RNF19A: variants seen among roughly 807,000 people sequenced by gnomAD.
RNF19A encodes ring finger protein 19A, RBR E3 ubiquitin protein ligase.
In RNF19A, 32 loss-of-function variants were observed where a neutral mutation model predicts 75.7. The observed-to-expected ratio is 0.42, with a 90% CI of 0.32 to 0.57. The LOEUF (loss-of-function observed/expected upper bound fraction) is 0.57, where lower values mean the gene tolerates loss of function less well. RNF19A is among the 20% of genes least tolerant of loss of function. The probability of loss-of-function intolerance (pLI) is 0.10; values close to 1 mark genes in which losing one functional copy is unlikely to be tolerated. For missense variants in RNF19A, 782 were observed against 1,036.3 expected (o/e 0.75, Z 3.37); for synonymous variants, 335 against 345.2 (o/e 0.97, Z 0.33).
At chr8:100,311,283 T>C (rs1822286790), upstream of RNF19A, among the ~76,000 whole-genome samples, 1 of 152,228 alleles carries the variant, frequency 6.6e-6, no homozygotes, top group Admixed American at 6.5e-5. Context: ...TTTATTTTCA[T>C]TTATGGGAAG....
In RNF19A at chr8:100,257,216, G is replaced by A. The variant is rs1203290588; in HGVS notation, c.*1340C>T. ...ATAAGCATATTAATGGACCTGGTAG[G>A]GAAAAGTGATGGAAGAAGACTGCAG... On this transcript the variant is annotated 3_prime_UTR_variant, in exon 10 of 10. Transcript: ENST00000341084. The A allele has an allele frequency of 6.6e-6, 1 of 152,570 alleles. No individual in the cohort carries two copies. The highest frequency in any genetic ancestry group is 1.5e-5 in the Non-Finnish European group (1 of 68,030). 9.5% of individuals were successfully genotyped at this position (152,570 alleles called of 1,614,324 possible). A position where few individuals can be genotyped will look rare whatever the true frequency, so the allele number is the denominator to read the frequency against.
At chr8:100,290,171 G>A (rs1384742240) in intron 1 of RNF19A, among the ~76,000 whole-genome samples, 1 of 152,174 alleles carries the variant, frequency 6.6e-6, no homozygotes, top group Non-Finnish European at 1.5e-5. Flanking sequence ...CTGGAGTGCA[G>A]TGAAGCAATC....
chr8:100,323,508 T>A lies in RNF19A; in HGVS notation c.-242-10136A>T, dbSNP rs1315620548. On this transcript the variant is annotated intron_variant, in intron 1 of 3. Coordinates refer to the RNF19A transcript ENST00000519527. The surrounding 1 kb of genome is among the most constrained non-coding windows in gnomAD (Gnocchi z 4.6). ...GCCATCCATTCTTAGAATTGTCACA[T>A]TAACTGCACGTATGCTAGCCAAGAA... Among the ~76,000 whole-genome samples, 1 of 152,242 alleles carries A rather than the reference T, an allele frequency of 6.6e-6. No homozygotes were observed. Among genetic ancestry groups the A allele is most frequent in the African/African-American group, 2.4e-5 (1 of 41,468 alleles).
upstream of RNF19A, among the ~76,000 whole-genome samples, chr8:100,310,864 T>C (rs1276963193): frequency 6.6e-6 from 1 of 152,220 alleles, no homozygotes; most frequent in East Asian, 1.9e-4. Context: ...TCGTCTCATA[T>C]CTTTTCAGCC....
rs1437940604 is a variant in RNF19A at position 100,284,139 on chromosome 8, GACAAGCTT to G, written c.674+3354_674+3361del. Among the ~76,000 whole-genome samples the G allele has an allele frequency of 6.6e-6, 1 of 151,748 alleles. No individual in the cohort carries two copies. The highest frequency in any genetic ancestry group is 1.5e-5 in the Non-Finnish European group (1 of 67,938). ...ATGAAGAATAATAAGTAAGAGCAAT[GACAAGCTT>G]ACTGTGTGCTAGGAATTTTGCTAGT... On this transcript the variant is annotated intron_variant, in intron 2 of 9. Transcript: ENST00000341084. The surrounding 1 kb of genome is among the most constrained non-coding windows in gnomAD (Gnocchi z 4.3).
upstream of RNF19A, among the ~76,000 whole-genome samples, chr8:100,312,890 C>A (rs1214060054): frequency 6.6e-6 from 1 of 152,180 alleles, no homozygotes; most frequent in African/African-American, 2.4e-5. Flanking sequence ...CCACTGCACT[C>A]CAGCCTGGGC....
chr8:100,269,732 G>T lies in RNF19A; in HGVS notation c.1028+137C>A. 3.6e-6 allele frequency: 2 copies of T among 550,554 alleles called. No homozygotes were observed. The highest frequency in any genetic ancestry group is 6.0e-6 in the Non-Finnish European group (2 of 333,188). The allele number at this position is 550,554 out of a possible 1,614,324, so 34.1% of individuals were successfully genotyped here. A position where few individuals can be genotyped will look rare whatever the true frequency, so the allele number is the denominator to read the frequency against. On this transcript the variant is annotated intron_variant, in intron 4 of 9. Coordinates refer to ENST00000341084, the MANE Select transcript of RNF19A (RefSeq NM_183419.4). The surrounding 1 kb of genome is among the most constrained non-coding windows in gnomAD (Gnocchi z 5.7). Reference sequence around the variant, plus strand: ...TTCCAAATGACTAGCATAATAACTTGGTTTCTTTTAAATTTATTTAACTAG... The same window carrying T: ...TTCCAAATGACTAGCATAATAACTTTGTTTCTTTTAAATTTATTTAACTAG...
At chr8:100,328,411 A>C (rs1752957388) in intron 1 of RNF19A, among the ~76,000 whole-genome samples, 1 of 152,148 alleles carries the variant, frequency 6.6e-6, no homozygotes, top group Admixed American at 6.5e-5. Flanking sequence ...GTTCTAGTCT[A>C]AGGGGCCTGG....
intron 1 of RNF19A, among the ~76,000 whole-genome samples, chr8:100,316,747 C>A (rs1230034162): frequency 1.3e-5 from 2 of 152,240 alleles, no homozygotes; most frequent in African/African-American, 4.8e-5. Context: ...TTGGAGCTGC[C>A]TGCCAGTCCC....
At chr8:100,265,177 A>G (rs995584679) in intron 5 of RNF19A, among the ~76,000 whole-genome samples, 13 of 152,352 alleles carry the variant, frequency 8.5e-5, no homozygotes, top group African/African-American at 2.6e-4. Flanking sequence ...TTCTTTCTAA[A>G]GAATATTCTC....
chr8:100,320,197 A>G (rs964946936), intron 1 of RNF19A, among the ~76,000 whole-genome samples: 7 of 152,324 alleles, frequency 4.6e-5, no homozygotes, highest in African/African-American at 1.2e-4. Context: ...AACATATTCT[A>G]TTGTTTTATA....
chr8:100,280,259 T>A (rs1820720206), intron 2 of RNF19A, among the ~76,000 whole-genome samples: 1 of 152,202 alleles, frequency 6.6e-6, no homozygotes, highest in Non-Finnish European at 1.5e-5. Flanking sequence ...TACCTGACTT[T>A]GGCCACCTGG....
At chr8:100,301,173 T>C (rs1286444448) in intron 1 of RNF19A, among the ~76,000 whole-genome samples, 1 of 152,254 alleles carries the variant, frequency 6.6e-6, no homozygotes, top group Non-Finnish European at 1.5e-5. Flanking sequence ...TAGGTTGCTA[T>C]TGGCTACCAT....
chr8:100,272,810 A>G (rs1820321047), intron 3 of RNF19A, among the ~76,000 whole-genome samples: 1 of 152,070 alleles, frequency 6.6e-6, no homozygotes, highest in African/African-American at 2.4e-5. Context: ...TTGGCCTCCC[A>G]AAGTGCTGGA....
intron 2 of RNF19A, among the ~76,000 whole-genome samples, chr8:100,277,478 A>AC (rs539631319): frequency 6.3e-4 from 96 of 152,004 alleles, no homozygotes; most frequent in African/African-American, 2.3e-3. Flanking sequence ...CGCCCAGCTA[A>AC]TTTTTTTGCA....
At position 100,330,217 on chromosome 8, in the gene RNF19A, C is replaced by T. The variant is rs1822592723; in HGVS notation, c.-243+5891G>A. Among the ~76,000 whole-genome samples the T allele has an allele frequency of 6.6e-6, 1 of 152,202 alleles. No homozygotes were observed. The highest frequency in any genetic ancestry group is 1.9e-4 in the East Asian group (1 of 5,200). On this transcript the variant is annotated intron_variant, in intron 1 of 3. Transcript: ENST00000519527. This position sits in a 1 kb window ranked among gnomAD's most constrained non-coding sequence, Gnocchi z 4.1. ...TCTTAACTTTTTCTCTCTCCAAAGC[C>T]TCTTTCTAATTTTTGTTAAGGAAGG...
At chr8:100,319,879 A>C (rs954406840) in intron 1 of RNF19A, among the ~76,000 whole-genome samples, 1 of 145,092 alleles carries the variant, frequency 6.9e-6, no homozygotes, top group South Asian at 2.2e-4. Context: ...CTTGTTGCCC[A>C]GGACAGAGTG....
At chr8:100,318,236 T>C (rs893238641) in intron 1 of RNF19A, among the ~76,000 whole-genome samples, 5 of 152,238 alleles carry the variant, frequency 3.3e-5, no homozygotes, top group African/African-American at 4.8e-5. Flanking sequence ...GGAAACCTAA[T>C]TGTGGAACTG....
At position 100,322,306 on chromosome 8, in the gene RNF19A, T is replaced by C. The variant is rs1822475481; in HGVS notation, c.-242-8934A>G. The stretch of plus-strand genomic sequence containing the variant: ...TTTGCTGCCGCTTCTACATCAGCAC[T>C]TCCTGCTTCACCTTGTACTTTCATG... On this transcript the variant is annotated intron_variant, in intron 1 of 3. Coordinates refer to the RNF19A transcript ENST00000519527. The surrounding 1 kb of genome is among the most constrained non-coding windows in gnomAD (Gnocchi z 5.1). 6.6e-6 allele frequency among the ~76,000 whole-genome samples: 1 copy of C among 152,264 alleles called. No homozygotes were observed. The highest frequency in any genetic ancestry group is 6.5e-5 in the Admixed American group (1 of 15,286).
Sources: allele counts gnomAD v4.1 joint callset (sites outside exome capture counted in the v4.1 genomes callset), GRCh38; gene constraint gnomAD v4.1.1; non-coding constraint Gnocchi (gnomAD v3.1); transcripts MANE v1.5; gene names NCBI Gene and HGNC (gene_info 2026-07-23, HGNC 2026-07-21).